Variants in PSMC6 observed in about 807,000 individuals in gnomAD.
PSMC6 encodes the protein 26S proteasome regulatory subunit 10B.
In PSMC6, 3 loss-of-function variants were observed where a neutral mutation model predicts 55.9. That is an observed-to-expected ratio of 0.05 (90% CI 0.02 to 0.14). The LOEUF (loss-of-function observed/expected upper bound fraction) is 0.14, where lower values mean the gene tolerates loss of function less well. Ranked by LOEUF, PSMC6 falls within the 10% of genes least tolerant of loss-of-function variation. The pLI is 1.00. For missense variants in PSMC6, 210 were observed against 478.7 expected, an observed-to-expected ratio of 0.44 and a Z score of 5.24; for synonymous variants, 137 against 155.9, an observed-to-expected ratio of 0.88 and a Z score of 0.90.
intron 4 of PSMC6, 156 bp downstream of exon 4, chr14:52,708,972 T>C: frequency 8.3e-6 from 9 of 1,085,644 alleles, no homozygotes; most frequent in Non-Finnish European, 1.1e-5. Context: ...AAAGCCTGAA[T>C]TCAAACCATG....
chr14:52,722,343 A>G (rs893751100), intron 12 of PSMC6: 6 of 151,538 alleles, frequency 4.0e-5, no homozygotes, highest in South Asian at 2.1e-4. Context: ...AGAGTTTTCT[A>G]TAAGATGGAA....
At chr14:52,719,314 G>T (rs1231393888) in intron 10 of PSMC6, among the ~76,000 whole-genome samples, 1 of 152,144 alleles carries the variant, frequency 6.6e-6, no homozygotes, top group Non-Finnish European at 1.5e-5. Context: ...TCTTATGAAT[G>T]TGATCTTGCG....
At chr14:52,717,492 C>T (rs1321998309) in intron 7 of PSMC6, among the ~76,000 whole-genome samples, 1 of 151,570 alleles carries the variant, frequency 6.6e-6, no homozygotes, top group Non-Finnish European at 1.5e-5. Context: ...TGTGCCACCA[C>T]GCTCAGCTAA....
rs1594853403 is a variant in PSMC6 at position 52,721,095 on chromosome 14, A to AT, written c.899-9dup. The AT allele has an allele frequency of 1.3e-6, 2 of 1,582,734 alleles. No individual in the cohort carries two copies. The highest frequency in any genetic ancestry group is 1.7e-6 in the Non-Finnish European group (2 of 1,167,950). ...AAAGATAAAACTGGACTATAAAATA[A>AT]TTTTTTATTTTCAGATATTGATTTG... On this transcript the variant is annotated splice_polypyrimidine_tract_variant and intron_variant, in intron 11 of 13. Transcript: ENST00000445930.
chr14:52,710,947 A>G (rs755883952), intron 4 of PSMC6, 154 bp from the exon 5 acceptor site: 17 of 595,664 alleles, frequency 2.9e-5, no homozygotes, highest in Non-Finnish European at 4.5e-5. Context: ...TACTTATTTT[A>G]TAAGCCATTT....
intron 9 of PSMC6, 46 bp downstream of exon 9, chr14:52,718,398 T>A: frequency 6.4e-7 from 1 of 1,563,218 alleles, no homozygotes; most frequent in Non-Finnish European, 8.7e-7. Flanking sequence ...TTTTTTTAAA[T>A]GTAAAAGAAC....
intron 13 of PSMC6, 150 bp from the exon 14 acceptor site, chr14:52,727,349 A>G (rs1880465337): frequency 1.0e-5 from 6 of 598,124 alleles, no homozygotes; most frequent in Non-Finnish European, 1.7e-5. Context: ...AATTGAAAAA[A>G]GATAGTGGTT....
intron 6 of PSMC6, among the ~76,000 whole-genome samples, chr14:52,711,821 C>T (rs1038119251): frequency 1.3e-5 from 2 of 152,088 alleles, no homozygotes; most frequent in South Asian, 4.1e-4. Context: ...TTTTGATTAT[C>T]ATAATAAGTT....
rs1333168857 is a variant in PSMC6, at chr14:52,708,821, T to TA, written c.258+6dup. On this transcript the variant is annotated splice_donor_region_variant and intron_variant, in intron 4 of 13. Transcript: ENST00000445930. ...GTTGTGGGTTGTCGTCGACAGGTAA[T>TA]ACTTTATATTTGTATAGTGCCTGAT... 1.2e-6 allele frequency: 2 copies of TA among 1,613,470 alleles called. No individual in the cohort carries two copies. The highest frequency in any genetic ancestry group is 2.7e-5 in the African/African-American group (2 of 74,926).
intron 4 of PSMC6, 102 bp from the exon 5 acceptor site, chr14:52,710,999 G>C: frequency 1.2e-6 from 1 of 833,162 alleles, no homozygotes; most frequent in Non-Finnish European, 2.0e-6. Flanking sequence ...TGTTCTCTCT[G>C]GAGGGTAAAA....
chr14:52,722,373 C>G (rs1221728697), intron 12 of PSMC6: 1 of 149,702 alleles, frequency 6.7e-6, no homozygotes, highest in African/African-American at 2.5e-5. Flanking sequence ...ACCCCCCTGC[C>G]CTTTTTTTTT....
Position 52,713,862 on chromosome 14 carries a change from G to T in PSMC6, c.442-19G>T. The T allele has an allele frequency of 6.7e-7, 1 of 1,494,306 alleles. No individual in the cohort carries two copies. The highest frequency in any genetic ancestry group is 9.2e-7 in the Non-Finnish European group (1 of 1,087,550). 92.6% of individuals were successfully genotyped at this position (1,494,306 alleles called of 1,614,324 possible). A position where few individuals can be genotyped will look rare whatever the true frequency, so the allele number is the denominator to read the frequency against. ...AAATCTTGACTAACTTTTTAAGAAA[G>T]ATTTAACTTCTTTTCTAGGTGATAG... On this transcript the variant is annotated intron_variant, in intron 6 of 13. Transcript: ENST00000445930.
intron 7 of PSMC6, among the ~76,000 whole-genome samples, chr14:52,716,221 A>T (rs2041828797): frequency 6.6e-6 from 1 of 152,250 alleles, no homozygotes. Flanking sequence ...AGAAAAGAGA[A>T]AGAACCCTTG....
intron 7 of PSMC6, 49 bp from the exon 8 acceptor site, chr14:52,718,032 A>AT (rs2041848566): frequency 1.3e-6 from 2 of 1,578,614 alleles, no homozygotes; most frequent in Non-Finnish European, 8.7e-7. Context: ...CTCAAAACAA[A>AT]TTTTTTTCTA....
At chr14:52,722,611 AT>A (rs1034751570) in intron 12 of PSMC6, 4 of 152,212 alleles carry the variant, frequency 2.6e-5, no homozygotes, top group Non-Finnish European at 5.9e-5. Context: ...CACGTTCAGA[AT>A]GAAGATAGGG....
At chr14:52,707,522 G>A (rs374237945) in intron 1 of PSMC6, 124 of 560,414 alleles carry the variant, frequency 2.2e-4, no homozygotes, top group African/African-American at 1.8e-3. Flanking sequence ...AACATCGGCG[G>A]CCTTGAGGTG....
chr14:52,712,082 G>A (rs2041778928), intron 6 of PSMC6, among the ~76,000 whole-genome samples: 1 of 152,142 alleles, frequency 6.6e-6, no homozygotes, highest in African/African-American at 2.4e-5. Flanking sequence ...ACTGTTATCT[G>A]TAAAGCAAAT....
At chr14:52,713,834 TA>T (rs1237381912) in intron 6 of PSMC6, 46 bp from the exon 7 acceptor site, 2 of 1,289,416 alleles carry the variant, frequency 1.6e-6, no homozygotes, top group Non-Finnish European at 1.1e-6. Context: ...GAAAGTACAT[TA>T]AAAATCTTGA....
intron 10 of PSMC6, 65 bp downstream of exon 10, chr14:52,719,103 C>A (rs1489187881): frequency 3.9e-6 from 5 of 1,272,480 alleles, no homozygotes; most frequent in East Asian, 4.7e-5. Context: ...CTGAACATTG[C>A]ATATTTGATA....
Sources: allele counts gnomAD v4.1 joint callset (sites outside exome capture counted in the v4.1 genomes callset), GRCh38; gene constraint gnomAD v4.1.1; transcripts MANE v1.5; gene names NCBI Gene and HGNC (gene_info 2026-07-23, HGNC 2026-07-21).